The following FGF14 variants were observed in gnomAD, a reference collection of about 807,000 sequenced individuals.
The protein encoded by FGF14 is fibroblast growth factor homologous factor 4.
Under a neutral mutation model 25.5 loss-of-function variants are expected in FGF14, and 5 were observed. The observed-to-expected ratio is 0.20, with a 90% CI of 0.10 to 0.41. FGF14 has a LOEUF of 0.41. Among genes scored for constraint, FGF14 ranks in the 10% least tolerant of loss-of-function variants. The pLI, the probability that FGF14 is intolerant of heterozygous loss-of-function variation, is 1.00. For synonymous variants in FGF14, 138 were observed against 118.3 expected, an observed-to-expected ratio of 1.17 and a Z score of -1.08; for missense variants, 222 against 320.1, an observed-to-expected ratio of 0.69 and a Z score of 2.34.
At chr13:102,173,518 A>G (rs181708914) in intron 1 of FGF14, among the ~76,000 whole-genome samples, 4 of 152,324 alleles carry the variant, frequency 2.6e-5, no homozygotes, top group Admixed American at 2.6e-4. Context: ...TTGAAGAGAT[A>G]TCTGCACTCT....
At chr13:101,897,187 C>T (rs2030824206) in intron 1 of FGF14, among the ~76,000 whole-genome samples, 1 of 152,158 alleles carries the variant, frequency 6.6e-6, no homozygotes, top group Admixed American at 6.5e-5. Flanking sequence ...CCCCGCTCAC[C>T]ATATGTGCCT....
At chr13:102,002,786 T>C (rs927451277) in intron 1 of FGF14, 1 of 152,206 alleles carries the variant, frequency 6.6e-6, no homozygotes, top group Non-Finnish European at 1.5e-5. Context: ...TGGAAAAGGA[T>C]CTCATTCTGG....
chr13:101,970,604 G>A (rs561662869), intron 1 of FGF14, among the ~76,000 whole-genome samples: 1 of 152,142 alleles, frequency 6.6e-6, no homozygotes, highest in Non-Finnish European at 1.5e-5. Flanking sequence ...GCACAGGAAG[G>A]GGATTTCTTT....
intron 1 of FGF14, among the ~76,000 whole-genome samples, chr13:102,013,297 T>C (rs2040175969): frequency 6.6e-6 from 1 of 152,182 alleles, no homozygotes; most frequent in African/African-American, 2.4e-5. Context: ...TGCTCAGGTG[T>C]GCTAAAATTT....
At chr13:102,160,939 C>G (rs1040657479) in intron 1 of FGF14, among the ~76,000 whole-genome samples, 1 of 152,150 alleles carries the variant, frequency 6.6e-6, no homozygotes, top group Non-Finnish European at 1.5e-5. Context: ...ACAACTGAAC[C>G]TCAGCACTTC....
intron 3 of FGF14, among the ~76,000 whole-genome samples, chr13:101,818,549 A>G (rs1446244156): frequency 6.6e-6 from 1 of 152,228 alleles, no homozygotes; most frequent in African/African-American, 2.4e-5. Flanking sequence ...CAACCATAAC[A>G]TAAATTAGAA....
chr13:102,000,848 A>C (rs1594949211), intron 1 of FGF14, among the ~76,000 whole-genome samples: 1 of 152,310 alleles, frequency 6.6e-6, no homozygotes, highest in Non-Finnish European at 1.5e-5. Context: ...ATGCCAATGG[A>C]AATGTCCTAT....
intron 1 of FGF14, among the ~76,000 whole-genome samples, chr13:102,252,806 C>T (rs1000881714): frequency 6.6e-6 from 1 of 152,094 alleles, no homozygotes; most frequent in African/African-American, 2.4e-5. Context: ...TCTCCTAATG[C>T]TATCCCTCCC....
At chr13:101,956,035 A>G (rs573037931) in intron 1 of FGF14, among the ~76,000 whole-genome samples, 2 of 152,338 alleles carry the variant, frequency 1.3e-5, no homozygotes, top group African/African-American at 4.8e-5. Flanking sequence ...TCAGAGAGAA[A>G]TATAAGGAAG....
intron 1 of FGF14, among the ~76,000 whole-genome samples, chr13:101,922,841 T>C (rs2034099967): frequency 6.8e-6 from 1 of 146,772 alleles, no homozygotes; most frequent in South Asian, 2.1e-4. Context: ...GATTTTGTTT[T>C]TTATTTATCC....
Position 101,916,764 on chromosome 13 carries a change from C to T in FGF14, c.-119G>A. On this transcript the variant is annotated 5_prime_UTR_variant, in exon 1 of 5. Transcript: ENST00000376143. ...GCCCTCGGGGCAGAGGAGGGGGTGC[C>T]AGGCGGGACTGGGGAGAGGGGAAGG... 2.3e-6 allele frequency: 2 copies of T among 854,764 alleles called. No individual in the cohort carries two copies. The highest frequency in any genetic ancestry group is 3.5e-6 in the Non-Finnish European group (2 of 574,984). 52.9% of individuals were successfully genotyped at this position (854,764 alleles called of 1,614,324 possible). A position where few individuals can be genotyped will look rare whatever the true frequency, so the allele number is the denominator to read the frequency against.
intron 1 of FGF14, among the ~76,000 whole-genome samples, chr13:102,115,090 C>T (rs2140337405): frequency 6.6e-6 from 1 of 152,268 alleles, no homozygotes; most frequent in African/African-American, 2.4e-5. Flanking sequence ...AACCCCTGCC[C>T]ACCAGGTAAA....
chr13:102,220,771 G>A (rs533426277), intron 1 of FGF14, among the ~76,000 whole-genome samples: 1 of 152,222 alleles, frequency 6.6e-6, no homozygotes, highest in African/African-American at 2.4e-5. Flanking sequence ...TATTGGATTC[G>A]TGGCACGCAC....
At chr13:101,872,380 T>C (rs1246413227) in intron 2 of FGF14, among the ~76,000 whole-genome samples, 5 of 151,788 alleles carry the variant, frequency 3.3e-5, no homozygotes. Flanking sequence ...TGGTTATTCA[T>C]AACTAGGAAA....
chr13:101,788,505 T>C (rs1011709476), intron 3 of FGF14, among the ~76,000 whole-genome samples: 19 of 152,208 alleles, frequency 1.2e-4, no homozygotes, highest in African/African-American at 4.6e-4. Context: ...AGTTTTGAGA[T>C]AGAATGCTGG....
At chr13:102,297,851 G>C (rs2054809029) in intron 1 of FGF14, among the ~76,000 whole-genome samples, 2 of 152,058 alleles carry the variant, frequency 1.3e-5, no homozygotes, top group African/African-American at 4.8e-5. Context: ...ATTATTAAAT[G>C]AACCAAAACT....
chr13:102,068,803 AC>A (rs1203635543), intron 1 of FGF14, among the ~76,000 whole-genome samples: 2 of 151,672 alleles, frequency 1.3e-5, no homozygotes, highest in African/African-American at 2.4e-5. Flanking sequence ...GACGAGCACC[AC>A]CCCCCTGCTC....
chr13:101,828,116 A>G (rs1382838772), intron 3 of FGF14, among the ~76,000 whole-genome samples: 1 of 152,032 alleles, frequency 6.6e-6, no homozygotes, highest in African/African-American at 2.4e-5. Context: ...GCATACACAC[A>G]CACATATATC....
intron 1 of FGF14, among the ~76,000 whole-genome samples, chr13:102,135,027 ACACACACAC>A: frequency 7.7e-6 from 1 of 129,478 alleles, no homozygotes; most frequent in Middle Eastern, 4.7e-3. Flanking sequence ...CCACACACAC[ACACACACAC>A]ACACACACAC....
Sources: allele counts gnomAD v4.1 joint callset (sites outside exome capture counted in the v4.1 genomes callset), GRCh38; gene constraint gnomAD v4.1.1; transcripts MANE v1.5; gene names NCBI Gene and HGNC (gene_info 2026-07-23, HGNC 2026-07-21).